Variants in PPP2R2C observed in about 807,000 individuals in gnomAD.
PPP2R2C encodes the protein protein phosphatase 2 regulatory subunit Bgamma.
PPP2R2C carries 10 observed loss-of-function variants against 45.3 expected under a neutral mutation model. The ratio of observed to expected loss-of-function variants is 0.22; its 90% CI spans 0.14 to 0.37. PPP2R2C has a LOEUF of 0.37. PPP2R2C is among the 10% of genes least tolerant of loss of function. The probability of loss-of-function intolerance (pLI) is 1.00; values close to 1 mark genes in which losing one functional copy is unlikely to be tolerated. For missense variants in PPP2R2C, 308 were observed against 619.7 expected (o/e 0.50, Z 5.34); for synonymous variants, 257 against 245.4 (o/e 1.05, Z -0.44).
intron 1 of PPP2R2C, among the ~76,000 whole-genome samples, chr4:6,552,825 T>G (rs893845795): frequency 7.9e-5 from 12 of 152,326 alleles, no homozygotes; most frequent in African/African-American, 2.6e-4. Flanking sequence ...ATTGTCCTAA[T>G]TTGACAATAA....
intron 1 of PPP2R2C, among the ~76,000 whole-genome samples, chr4:6,562,483 G>T (rs868249184): frequency 6.6e-6 from 1 of 151,500 alleles, no homozygotes; most frequent in Non-Finnish European, 1.5e-5. Flanking sequence ...GGGGGGGTTG[G>T]ATATTTGAAA....
chr4:6,335,588 T>A (rs1732783547), intron 6 of PPP2R2C, among the ~76,000 whole-genome samples: 1 of 151,684 alleles, frequency 6.6e-6, no homozygotes, highest in Non-Finnish European at 1.5e-5. Context: ...ACAGGGAGGA[T>A]GAAATCTGAG....
At chr4:6,514,186 G>A (rs1372569007) in intron 2 of PPP2R2C, among the ~76,000 whole-genome samples, 1 of 152,132 alleles carries the variant, frequency 6.6e-6, no homozygotes, top group African/African-American at 2.4e-5. Context: ...AATAGCAGGT[G>A]ACAATGTTGT....
At chr4:6,372,440 G>C (rs777997448) in intron 5 of PPP2R2C, 83 bp downstream of exon 5, 44 of 1,452,638 alleles carry the variant, frequency 3.0e-5, no homozygotes, top group Non-Finnish European at 4.1e-5. Flanking sequence ...CAAACCAGCT[G>C]TCTGCCAATC....
At chr4:6,384,926 T>G (rs1457086300) in intron 1 of PPP2R2C, 2 of 859,630 alleles carry the variant, frequency 2.3e-6, no homozygotes, top group Non-Finnish European at 2.8e-6. Flanking sequence ...CCACACAACT[T>G]CTCTGAGCCT....
At chr4:6,487,985 T>C (rs1044352176) in intron 2 of PPP2R2C, among the ~76,000 whole-genome samples, 1 of 152,222 alleles carries the variant, frequency 6.6e-6, no homozygotes, top group African/African-American at 2.4e-5. Flanking sequence ...AGCTAATCTT[T>C]TGTTCTGCAA....
intron 6 of PPP2R2C, among the ~76,000 whole-genome samples, chr4:6,338,611 G>C (rs1733184115): frequency 6.6e-6 from 1 of 152,104 alleles, no homozygotes; most frequent in African/African-American, 2.4e-5. Context: ...TCAAGGTTTA[G>C]GCTCCTACCT....
chr4:6,475,679 G>A (rs1325054191), upstream of PPP2R2C, among the ~76,000 whole-genome samples: 3 of 152,184 alleles, frequency 2.0e-5, no homozygotes, highest in Admixed American at 2.0e-4. Context: ...ACCTTTCGCT[G>A]CCACTTCTCA....
At chr4:6,355,660 G>A (rs1417242507) in intron 5 of PPP2R2C, among the ~76,000 whole-genome samples, 1 of 151,990 alleles carries the variant, frequency 6.6e-6, no homozygotes, top group East Asian at 1.9e-4. Context: ...TCCCCCTGCA[G>A]CGTGTTGAAA....
intron 1 of PPP2R2C, among the ~76,000 whole-genome samples, chr4:6,540,788 C>A (rs527685637): frequency 1.7e-4 from 26 of 152,224 alleles, no homozygotes; most frequent in Non-Finnish European, 3.4e-4. Flanking sequence ...GATGGGGATA[C>A]ATGGGAAGAA....
intron 2 of PPP2R2C, among the ~76,000 whole-genome samples, chr4:6,492,176 T>C (rs1327176328): frequency 6.6e-6 from 1 of 152,162 alleles, no homozygotes; most frequent in Non-Finnish European, 1.5e-5. Flanking sequence ...CCTCTCTGCC[T>C]CTCCTCTCTG....
At chr4:6,520,828 T>C (rs960485269) in intron 2 of PPP2R2C, among the ~76,000 whole-genome samples, 3 of 152,248 alleles carry the variant, frequency 2.0e-5, no homozygotes, top group African/African-American at 7.2e-5. Flanking sequence ...TCCCAGCAAC[T>C]CTCAAGGCTG....
chr4:6,556,713 C>A (rs1018318824), intron 1 of PPP2R2C, among the ~76,000 whole-genome samples: 13 of 146,588 alleles, frequency 8.9e-5, no homozygotes, highest in African/African-American at 3.1e-4. Context: ...TAGTGTAGAT[C>A]CCTACTCCAG....
At chr4:6,381,280 C>A in intron 1 of PPP2R2C, 186 bp from the exon 2 acceptor site, 4 of 1,530,334 alleles carry the variant, frequency 2.6e-6, no homozygotes, top group Non-Finnish European at 3.5e-6. Context: ...CCCCTCCTGC[C>A]CTCCTCTTCC....
chr4:6,345,859 G>C lies in PPP2R2C; in HGVS notation c.790+1987C>G, dbSNP rs529593177. The stretch of plus-strand genomic sequence containing the variant: ...GGTCTCCAGCCTCCCATCAGTCCAC[G>C]GCCACTAACTCCACACTTATCTCCA... On this transcript the variant is annotated intron_variant, in intron 6 of 8. Transcript: ENST00000382599. This position sits in a 1 kb window ranked among gnomAD's most constrained non-coding sequence, Gnocchi z 5.3. Among the ~76,000 whole-genome samples the C allele has an allele frequency of 3.3e-5, 5 of 152,138 alleles. No homozygotes were observed. In the East Asian group the frequency reaches 5.8e-4, roughly 18 times the overall value.
At chr4:6,483,136 TAGA>T (rs1560578897) in intron 2 of PPP2R2C, among the ~76,000 whole-genome samples, 3 of 63,000 alleles carry the variant, frequency 4.8e-5, no homozygotes, top group African/African-American at 1.5e-4. Flanking sequence ...GATAGATAGA[TAGA>T]TAGATTGATT....
intron 5 of PPP2R2C, chr4:6,349,045 C>T: frequency 1.0e-6 from 1 of 985,374 alleles, no homozygotes; most frequent in Non-Finnish European, 1.2e-6. Context: ...TTTCCTATCC[C>T]TTCCCTGCTG....
At chr4:6,545,957 T>C (rs557072687) in intron 1 of PPP2R2C, among the ~76,000 whole-genome samples, 2 of 145,924 alleles carry the variant, frequency 1.4e-5, no homozygotes, top group African/African-American at 5.0e-5. Context: ...CACAGTTCCC[T>C]GGGTGGGGGG....
intron 1 of PPP2R2C, chr4:6,420,936 C>G: frequency 2.0e-6 from 2 of 985,104 alleles, no homozygotes; most frequent in Middle Eastern, 1.0e-3. Context: ...CCTCCTCCTA[C>G]GCCACCTACC....
Sources: gnomAD v4.1 joint callset for allele counts (sites outside exome capture counted in the v4.1 genomes callset) on GRCh38, gnomAD v4.1.1 for gene constraint, Gnocchi (gnomAD v3.1) non-coding constraint, MANE v1.5 for transcripts, NCBI Gene and HGNC (gene_info 2026-07-23, HGNC 2026-07-21) for gene names.